Variants in PAFAH2 observed in about 807,000 individuals in gnomAD.
PAFAH2 encodes platelet activating factor acetylhydrolase 2, also known as platelet-activating factor acetylhydrolase 2, cytoplasmic.
A neutral mutation model predicts 49.0 loss-of-function variants in PAFAH2; 42 were observed. The observed-to-expected ratio is 0.86, with a 90% CI of 0.67 to 1.11. PAFAH2 has a LOEUF of 1.11. Among genes scored for constraint, PAFAH2 ranks in the 50% least tolerant of loss-of-function variants. PAFAH2 has a pLI of 0.00. For missense variants in PAFAH2, 503 were observed against 501.8 expected, an observed-to-expected ratio of 1.00 and a Z score of -0.02; for synonymous variants, 184 against 181.3, an observed-to-expected ratio of 1.01 and a Z score of -0.12.
chr1:25,967,385 G>C (rs192596867), intron 10 of PAFAH2, among the ~76,000 whole-genome samples: 18 of 152,316 alleles, frequency 1.2e-4, no homozygotes, highest in African/African-American at 4.3e-4. Flanking sequence ...GTGGCAGAGG[G>C]AGTCCCCAGC....
intron 4 of PAFAH2, among the ~76,000 whole-genome samples, chr1:25,987,777 C>G (rs1190477869): frequency 6.6e-6 from 1 of 151,692 alleles, no homozygotes; most frequent in Non-Finnish European, 1.5e-5. Context: ...TACTTGGTGG[C>G]TGAGGCAGGA....
At position 25,982,391 on chromosome 1, in the gene PAFAH2, A is replaced by G; in HGVS notation, c.639T>C (p.Pro213=). Residue 213 remains proline (P), a synonymous_variant, in exon 7 of 11, where the codon CCT becomes CCC. Coordinates refer to ENST00000374282, the MANE Select transcript of PAFAH2 (RefSeq NM_000437.4). ...TCAAAGTCATCAGATCCAAGCCACC[A>G]GGCAAGATGTTGAAGACAGTCTGCC... ...TAGQTVFNIL[P]GGLDLMTLKG... 6.2e-7 allele frequency: 1 copy of G among 1,614,084 alleles called. No individual in the cohort carries two copies. The highest frequency in any genetic ancestry group is 8.5e-7 in the Non-Finnish European group (1 of 1,179,938).
At chr1:25,963,507 T>C (rs1192235723) in intron 10 of PAFAH2, among the ~76,000 whole-genome samples, 1 of 151,920 alleles carries the variant, frequency 6.6e-6, no homozygotes, top group Non-Finnish European at 1.5e-5. Flanking sequence ...TGTTTTTTGT[T>C]TGTTTGTTTT....
At chr1:25,985,948 A>G (rs1051545325) in intron 4 of PAFAH2, among the ~76,000 whole-genome samples, 1 of 152,242 alleles carries the variant, frequency 6.6e-6, no homozygotes, top group Non-Finnish European at 1.5e-5. Context: ...ATGAGAACCT[A>G]GCACAGCACA....
intron 4 of PAFAH2, among the ~76,000 whole-genome samples, chr1:25,985,498 G>A (rs764272066): frequency 1.3e-5 from 2 of 152,048 alleles, no homozygotes; most frequent in African/African-American, 2.4e-5. Context: ...TAACTGCCTC[G>A]CCCAGGTCTA....
At chr1:25,964,230 G>A (rs1448916966) in intron 10 of PAFAH2, 1 of 152,238 alleles carries the variant, frequency 6.6e-6, no homozygotes, top group Non-Finnish European at 1.5e-5. Context: ...ACTAAAACTG[G>A]AACAATACAG....
At chr1:25,973,088 T>G (rs2049535200) in intron 9 of PAFAH2, among the ~76,000 whole-genome samples, 1 of 152,210 alleles carries the variant, frequency 6.6e-6, no homozygotes. Flanking sequence ...CTATTAGCTG[T>G]GGCTTTTGCC....
chr1:25,967,236 G>C (rs924963660), intron 10 of PAFAH2, among the ~76,000 whole-genome samples: 4 of 152,128 alleles, frequency 2.6e-5, no homozygotes, highest in Non-Finnish European at 5.9e-5. Context: ...TAGGAGGCAT[G>C]AGAGAAGAGA....
rs2049771879 is a variant in PAFAH2, at chr1:25,985,689, C to T, written c.342-1161G>A. ...CTCGTCTTCACTACTGAATGCCCAG[C>T]CCCGGCACACAGCAGGTACTCAATT... On this transcript the variant is annotated intron_variant, in intron 4 of 10. Coordinates refer to ENST00000374282, the MANE Select transcript of PAFAH2 (RefSeq NM_000437.4). Among the ~76,000 whole-genome samples the T allele has an allele frequency of 3.3e-5, 5 of 152,236 alleles. No homozygotes were observed. In the South Asian group the frequency reaches 1.0e-3, roughly 32 times the overall value.
intron 10 of PAFAH2, among the ~76,000 whole-genome samples, chr1:25,967,720 C>T (rs1290279765): frequency 3.3e-5 from 5 of 152,094 alleles, no homozygotes; most frequent in South Asian, 2.1e-4. Flanking sequence ...TTAGAAAAAG[C>T]GAAAGCAGAC....
intron 7 of PAFAH2, among the ~76,000 whole-genome samples, chr1:25,977,873 G>A (rs949457253): frequency 7.2e-5 from 11 of 152,140 alleles, no homozygotes; most frequent in Non-Finnish European, 1.3e-4. Flanking sequence ...CTGGAGCAAA[G>A]ACTGCCAGTG....
At chr1:25,975,309 G>A (rs2049572399) in intron 8 of PAFAH2, among the ~76,000 whole-genome samples, 1 of 152,096 alleles carries the variant, frequency 6.6e-6, no homozygotes, top group African/African-American at 2.4e-5. Context: ...TGGGCATGGT[G>A]GTTCATCCCT....
intron 1 of PAFAH2, among the ~76,000 whole-genome samples, chr1:25,994,060 A>C (rs2049907753): frequency 6.6e-6 from 1 of 152,026 alleles, no homozygotes; most frequent in African/African-American, 2.4e-5. Context: ...AAAAAGTTGG[A>C]ATCTACTCTG....
At chr1:25,962,179 A>T in intron 10 of PAFAH2, 96 bp from the exon 11 acceptor site, 1 of 933,136 alleles carries the variant, frequency 1.1e-6, no homozygotes, top group Non-Finnish European at 1.7e-6. Context: ...TAGAGAGAGG[A>T]GCGCCTGGGA....
chr1:25,984,638 C>T (rs1315602873), intron 4 of PAFAH2, 110 bp from the exon 5 acceptor site: 3 of 777,914 alleles, frequency 3.9e-6, no homozygotes, highest in South Asian at 1.6e-5. Flanking sequence ...ACCACATCAA[C>T]CTTAACTGTC....
chr1:25,982,506 GGAACAC>G, intron 6 of PAFAH2, 29 bp from the exon 7 acceptor site: 12 of 1,510,192 alleles, frequency 7.9e-6, no homozygotes, highest in South Asian at 1.1e-5. Context: ...CAGTGGGACT[GGAACAC>G]TCCACAACTG....
chr1:25,997,239 A>G (rs1340188401), intron 1 of PAFAH2, among the ~76,000 whole-genome samples: 2 of 152,238 alleles, frequency 1.3e-5, no homozygotes, highest in South Asian at 2.1e-4. Flanking sequence ...AAGTGAGGAA[A>G]TATCATCCAG....
At chr1:25,991,342 A>G (rs1018722381) in intron 1 of PAFAH2, among the ~76,000 whole-genome samples, 1 of 151,836 alleles carries the variant, frequency 6.6e-6, no homozygotes. Context: ...GTGCAGTGGC[A>G]TGATCTTGCT....
At position 25,972,604 on chromosome 1, in the gene PAFAH2, C is replaced by T. The variant is rs768233256; in HGVS notation, c.1038G>A (p.Gln346=). ...CCAACATGGCCCGTACCATAACCTC[C>T]TGCCCTTCATAGGGGTCCAGGCTCC... ...TRGSLDPYEG[Q]EVMVRAMLAF... is the part of the protein sequence containing the mutation. The change falls in exon 10 of 11, where the codon CAG becomes CAA. Residue 346 remains glutamine, a synonymous_variant. Coordinates refer to ENST00000374282, the MANE Select transcript of PAFAH2 (RefSeq NM_000437.4). The T allele has an allele frequency of 1.2e-6, 2 of 1,614,034 alleles. No homozygotes were observed. The highest frequency in any genetic ancestry group is 2.2e-5 in the East Asian group (1 of 44,886).
Sources: gnomAD v4.1 joint callset for allele counts (sites outside exome capture counted in the v4.1 genomes callset) on GRCh38, gnomAD v4.1.1 for gene constraint, MANE v1.5 for transcripts, NCBI Gene and HGNC (gene_info 2026-07-23, HGNC 2026-07-21) for gene names.